CSE1L: variants seen among roughly 807,000 people sequenced by gnomAD.
CSE1L encodes the protein exportin-2.
A neutral mutation model predicts 120.4 loss-of-function variants in CSE1L; 24 were observed. The observed-to-expected ratio is 0.20, with a 90% CI of 0.14 to 0.28. The LOEUF (loss-of-function observed/expected upper bound fraction) is 0.28, where lower values mean the gene tolerates loss of function less well. Ranked by LOEUF, CSE1L falls within the 10% of genes least tolerant of loss-of-function variation. CSE1L has a pLI of 1.00. For missense variants in CSE1L, 830 were observed against 1,145.2 expected (o/e 0.72, Z 3.97); for synonymous variants, 402 against 398.3 (o/e 1.01, Z -0.11).
Position 49,058,672 on chromosome 20 carries a change from T to G in CSE1L, c.85+124T>G, listed in dbSNP as rs2091828025. 9.0e-6 allele frequency: 6 copies of G among 666,140 alleles called. No individual in the cohort carries two copies. The Admixed American group carries it at 1.1e-4, about 12-fold the overall frequency. 41.3% of individuals were successfully genotyped at this position (666,140 alleles called of 1,614,324 possible). ...TCATACTTGGGTTCTCAAGCGTAGT[T>G]TATAAGTGTTACAGCTGCTATACCA... On this transcript the variant is annotated intron_variant, in intron 2 of 24. Coordinates refer to ENST00000262982, the MANE Select transcript of CSE1L (RefSeq NM_001316.4).
At chr20:49,058,740 C>T (rs940842993) in intron 2 of CSE1L, among the ~76,000 whole-genome samples, 192 bp downstream of exon 2, 10 of 152,188 alleles carry the variant, frequency 6.6e-5, no homozygotes, top group South Asian at 2.1e-4. Context: ...TTTTATTTGG[C>T]ATCTTCTGGG....
At chr20:49,059,225 A>T (rs1292927747) in intron 2 of CSE1L, among the ~76,000 whole-genome samples, 6 of 152,164 alleles carry the variant, frequency 3.9e-5, no homozygotes, top group African/African-American at 1.2e-4. Flanking sequence ...GAAGCCAAGT[A>T]ATCAGTTACT....
intron 11 of CSE1L, 140 bp from the exon 12 acceptor site, chr20:49,075,178 G>C (rs941984951): frequency 3.1e-6 from 2 of 646,544 alleles, no homozygotes; most frequent in Non-Finnish European, 5.2e-6. Context: ...GCTATTGGGT[G>C]GCCCTTTGTT....
chr20:49,072,199 G>A (rs1239994555), intron 8 of CSE1L, 87 bp from the exon 9 acceptor site: 4 of 1,353,940 alleles, frequency 3.0e-6, no homozygotes, highest in Non-Finnish European at 4.1e-6. Flanking sequence ...AATTGATAAA[G>A]AGTCTAGTTC....
chr20:49,083,595 G>A (rs1053488351), intron 14 of CSE1L, among the ~76,000 whole-genome samples: 1 of 152,152 alleles, frequency 6.6e-6, no homozygotes, highest in Non-Finnish European at 1.5e-5. Context: ...ACTAATGAAT[G>A]TTTCAAATTT....
chr20:49,050,385 A>AT (rs1243770980), intron 1 of CSE1L, among the ~76,000 whole-genome samples: 10,629 of 79,004 alleles, frequency 0.13, 1,572 homozygotes, highest in African/African-American at 0.17. Context: ...AGCCCAGCTA[A>AT]TTTTTTTTTT....
intron 1 of CSE1L, among the ~76,000 whole-genome samples, chr20:49,051,267 C>G (rs1028221915): frequency 6.6e-6 from 1 of 152,170 alleles, no homozygotes; most frequent in Non-Finnish European, 1.5e-5. Context: ...CCTTCCAGGC[C>G]GGGCACGGTG....
At chr20:49,094,420 A>T in intron 23 of CSE1L, 134 bp downstream of exon 23, 1 of 888,564 alleles carries the variant, frequency 1.1e-6, no homozygotes. Flanking sequence ...CAGATCCAAG[A>T]CATGATTTCT....
In CSE1L at chr20:49,089,588, A is replaced by G. The variant is rs1372325261; in HGVS notation, c.2023A>G (p.Lys675Glu). The change falls in exon 19 of 25, where the codon AAA (lysine) becomes GAA (glutamate). Residue 675 changes from lysine (K) to glutamate (E), a missense_variant. Around this residue, in one of 4 missense-constraint regions of CSE1L, gnomAD observed 168 missense variants for 267.9 expected, o/e 0.63. Coordinates refer to ENST00000262982, the MANE Select transcript of CSE1L (RefSeq NM_001316.4). ...QVMSLLLETH[K>E]NDIPSSYMAL... ...GATGTCTTTGCTTCTGGAAACACAC[A>G]AAAATGACATCCCGTCTTCCTATAT... is the stretch of plus-strand genomic sequence containing the variant. 1.2e-6 allele frequency: 2 copies of G among 1,614,048 alleles called. No homozygotes were observed. The highest frequency in any genetic ancestry group is 2.7e-5 in the African/African-American group (2 of 74,920).
intron 3 of CSE1L, among the ~76,000 whole-genome samples, chr20:49,064,368 T>C (rs1269635323): frequency 6.6e-6 from 1 of 152,136 alleles, no homozygotes; most frequent in Non-Finnish European, 1.5e-5. Context: ...AGAGAGTAAA[T>C]ATTGTTTTAA....
At chr20:49,087,937 T>TC in intron 16 of CSE1L, 72 bp from the exon 17 acceptor site, 2 of 1,001,372 alleles carry the variant, frequency 2.0e-6, no homozygotes, top group Non-Finnish European at 1.5e-6. Flanking sequence ...TGCGCTTTTT[T>TC]CCCCCCAGTC....
chr20:49,050,463 T>G (rs1165862435), intron 1 of CSE1L, among the ~76,000 whole-genome samples: 1 of 141,532 alleles, frequency 7.1e-6, no homozygotes, highest in Admixed American at 7.6e-5. Flanking sequence ...AGTGCAATGG[T>G]GCAGTCTTGG....
chr20:49,092,787 G>A (rs2092111927), intron 22 of CSE1L, among the ~76,000 whole-genome samples: 1 of 151,656 alleles, frequency 6.6e-6, no homozygotes, highest in African/African-American at 2.4e-5. Context: ...TGCACGTTGT[G>A]CACATGTACC....
chr20:49,094,276 A>G lies in CSE1L; in HGVS notation c.2584A>G (p.Thr862Ala), dbSNP rs1224135477. The change falls in exon 23 of 25, where the codon ACC becomes GCC. Residue 862 changes from threonine (T) to alanine (A), a missense_variant. Transcript: ENST00000262982. ...TCCCCCAATGATGGACACTGAGTATACCAAACTGTGGTAAGTACTTCATTT... is the reference window on the plus strand; with the variant it reads ...TCCCCCAATGATGGACACTGAGTATGCCAAACTGTGGTAAGTACTTCATTT... The part of the protein sequence containing the change: ...ECPPMMDTEY[T>A]KLWTPLLQSL... The G allele has an allele frequency of 1.2e-6, 2 of 1,610,968 alleles. No homozygotes were observed.
chr20:49,089,117 C>G (rs942163143), intron 17 of CSE1L, 130 bp from the exon 18 acceptor site: 3 of 756,336 alleles, frequency 4.0e-6, no homozygotes, highest in African/African-American at 1.8e-5. Context: ...TGAACAAGCA[C>G]TAGGGTATAA....
intron 1 of CSE1L, 102 bp from the exon 2 acceptor site, chr20:49,058,351 T>A (rs1055456376): frequency 1.5e-5 from 11 of 719,012 alleles, no homozygotes; most frequent in Non-Finnish European, 2.4e-5. Context: ...AACAGATGGA[T>A]GACTTTCAGA....
intron 8 of CSE1L, among the ~76,000 whole-genome samples, chr20:49,070,639 A>G (rs1043552454): frequency 2.6e-5 from 4 of 152,226 alleles, no homozygotes; most frequent in Non-Finnish European, 5.9e-5. Flanking sequence ...CCCCTTTTTA[A>G]AAATCATCTG....
At chr20:49,047,557 CTCTTTTCTTTTTT>C (rs2091726216) in intron 1 of CSE1L, among the ~76,000 whole-genome samples, 2 of 98,294 alleles carry the variant, frequency 2.0e-5, no homozygotes, top group Non-Finnish European at 4.1e-5. Context: ...TTTTTCTTTT[CTCTTTTCTTTTTT>C]TTTTTTTTTT....
At chr20:49,059,932 C>G (rs1434024568) in intron 2 of CSE1L, among the ~76,000 whole-genome samples, 3 of 151,784 alleles carry the variant, frequency 2.0e-5, no homozygotes, top group Admixed American at 6.6e-5. Context: ...CGCCTTTAAT[C>G]CCAGTAATTT....
Sources: allele counts gnomAD v4.1 joint callset (sites outside exome capture counted in the v4.1 genomes callset), GRCh38; gene constraint gnomAD v4.1.1; regional missense constraint gnomAD v4.1.1; transcripts MANE v1.5; gene names NCBI Gene and HGNC (gene_info 2026-07-23, HGNC 2026-07-21).